KCNH1: variants seen among roughly 807,000 people sequenced by gnomAD.
KCNH1 encodes the protein voltage-gated delayed rectifier potassium channel KCNH1.
Under a neutral mutation model 69.2 loss-of-function variants are expected in KCNH1, and 27 were observed. The observed-to-expected ratio is 0.39, with a 90% CI of 0.29 to 0.54. The LOEUF (loss-of-function observed/expected upper bound fraction) is 0.54, where lower values mean the gene tolerates loss of function less well. Among genes scored for constraint, KCNH1 ranks in the 20% least tolerant of loss-of-function variants. KCNH1 has a pLI of 0.68. For missense variants in KCNH1, 798 were observed against 1,261.6 expected, an observed-to-expected ratio of 0.63 and a Z score of 5.57; for synonymous variants, 456 against 487.7, an observed-to-expected ratio of 0.93 and a Z score of 0.86.
chr1:210,880,568 C>T (rs954980147), intron 7 of KCNH1, among the ~76,000 whole-genome samples: 44 of 152,108 alleles, frequency 2.9e-4, no homozygotes, highest in African/African-American at 9.9e-4. Context: ...GACCATACAC[C>T]TCTGACAAAA....
At chr1:210,944,184 C>A (rs531143665) in intron 6 of KCNH1, among the ~76,000 whole-genome samples, 3 of 152,312 alleles carry the variant, frequency 2.0e-5, no homozygotes, top group African/African-American at 7.2e-5. Flanking sequence ...GAGTCTACAG[C>A]ATATCAATTC....
intron 1 of KCNH1, among the ~76,000 whole-genome samples, chr1:211,124,903 C>G (rs930647088): frequency 1.3e-5 from 2 of 152,116 alleles, no homozygotes; most frequent in African/African-American, 4.8e-5. Context: ...AAGTGAAGTT[C>G]CTGAACCAAG....
At chr1:210,737,035 C>A (rs888588736) in intron 10 of KCNH1, among the ~76,000 whole-genome samples, 15 of 152,158 alleles carry the variant, frequency 9.9e-5, no homozygotes, top group African/African-American at 3.6e-4. Context: ...GGTAAAGGAA[C>A]AAAGCAAAGA....
chr1:210,861,024 G>C (rs1685967204), intron 7 of KCNH1: 1 of 1,054,958 alleles, frequency 9.5e-7, no homozygotes, highest in African/African-American at 1.6e-5. Context: ...GGTTCTGTAA[G>C]AATCTGGTAA....
chr1:210,999,800 A>T (rs1425775382), intron 6 of KCNH1, among the ~76,000 whole-genome samples: 1 of 152,202 alleles, frequency 6.6e-6, no homozygotes, highest in Admixed American at 6.5e-5. Context: ...GCAGCACATC[A>T]AAAAGCTTAT....
intron 7 of KCNH1, among the ~76,000 whole-genome samples, chr1:210,853,798 C>G (rs1324009019): frequency 6.6e-6 from 1 of 152,042 alleles, no homozygotes; most frequent in Non-Finnish European, 1.5e-5. Flanking sequence ...TGCCGACAGA[C>G]CCAAACCATC....
intron 3 of KCNH1, among the ~76,000 whole-genome samples, chr1:211,103,236 GA>G (rs1402249515): frequency 6.6e-6 from 1 of 151,990 alleles, no homozygotes; most frequent in East Asian, 1.9e-4. Flanking sequence ...AAACCAATAG[GA>G]AAAAACACTA....
In KCNH1 at chr1:210,684,090, T is replaced by C. The variant is rs781342181; in HGVS notation, c.2161A>G (p.Met721Val). The change falls in exon 11 of 11, where the codon ATG becomes GTG. Residue 721 changes from methionine to valine, a missense_variant. Physicochemically the swap from Met to Val is conservative, Grantham distance 21. Coordinates refer to ENST00000271751, the MANE Select transcript of KCNH1 (RefSeq NM_172362.3). The stretch of plus-strand genomic sequence containing the variant: ...AGGGGGGCCTCATTCTTTCGTTTCA[T>C]GCGTTCTTCCTCTTCACGTTTCACA... ...SDVKREEEER[M>V]KRKNEAPLIL... The C allele has an allele frequency of 2.6e-6, 4 of 1,517,036 alleles. No individual in the cohort carries two copies. Among genetic ancestry groups the C allele is most frequent in the Admixed American group, 2.2e-5 (1 of 44,808 alleles). The allele number at this position is 1,517,036 out of a possible 1,614,324, so 94.0% of individuals were successfully genotyped here.
intron 7 of KCNH1, among the ~76,000 whole-genome samples, chr1:210,819,668 A>G (rs1684886884): frequency 6.6e-6 from 1 of 152,046 alleles, no homozygotes. Context: ...ACTATGATAA[A>G]CTTGTCAAAA....
intron 7 of KCNH1, among the ~76,000 whole-genome samples, chr1:210,827,193 A>C (rs1685049657): frequency 6.6e-6 from 1 of 152,058 alleles, no homozygotes; most frequent in Non-Finnish European, 1.5e-5. Flanking sequence ...AAAATTAGCC[A>C]GGCGTGGTGG....
rs779216214 is a variant in KCNH1 at position 210,856,286 on chromosome 1, C to T, written c.1463-52120G>A. Among the ~76,000 whole-genome samples the T allele has an allele frequency of 2.6e-5, 4 of 152,280 alleles. No individual in the cohort carries two copies. In the South Asian group the frequency reaches 8.3e-4, roughly 32 times the overall value. ...CAAACCAGAGCCCGCCTGGAATAATCCCACTCACATAATGCCAAAAGAACC... is the reference window on the plus strand; with the variant it reads ...CAAACCAGAGCCCGCCTGGAATAATTCCACTCACATAATGCCAAAAGAACC... On this transcript the variant is annotated intron_variant, in intron 7 of 10. Transcript: ENST00000271751.
At chr1:210,728,156 T>C (rs1682653088) in intron 10 of KCNH1, among the ~76,000 whole-genome samples, 1 of 152,232 alleles carries the variant, frequency 6.6e-6, no homozygotes, top group Non-Finnish European at 1.5e-5. Flanking sequence ...GGTAAACAAC[T>C]GCTCTAAGCC....
At chr1:210,846,178 C>T (rs867508629) in intron 7 of KCNH1, among the ~76,000 whole-genome samples, 4 of 152,130 alleles carry the variant, frequency 2.6e-5, no homozygotes, top group Non-Finnish European at 5.9e-5. Flanking sequence ...AGATTCAATG[C>T]CATCGCCATC....
intron 5 of KCNH1, among the ~76,000 whole-genome samples, chr1:211,048,686 A>G (rs1690137488): frequency 6.6e-6 from 1 of 152,142 alleles, no homozygotes; most frequent in Admixed American, 6.5e-5. Context: ...GACTTTGGGG[A>G]CAAGTGGGGA....
chr1:211,045,297 A>G (rs562025350), intron 5 of KCNH1, among the ~76,000 whole-genome samples: 2 of 151,960 alleles, frequency 1.3e-5, no homozygotes, highest in Admixed American at 6.6e-5. Context: ...GGAATAAAAT[A>G]CTACAAATTG....
chr1:210,754,951 C>T (rs1006245762), intron 10 of KCNH1, among the ~76,000 whole-genome samples: 1 of 152,048 alleles, frequency 6.6e-6, no homozygotes, highest in East Asian at 1.9e-4. Flanking sequence ...ATGGGGAAAG[C>T]AAGCAAACTT....
At chr1:210,880,766 G>T in intron 7 of KCNH1, among the ~76,000 whole-genome samples, 1 of 151,954 alleles carries the variant, frequency 6.6e-6, no homozygotes, top group Non-Finnish European at 1.5e-5. Context: ...CTCTGTCAAA[G>T]ACACTGTCAA....
At chr1:210,973,981 T>C (rs888908768) in intron 6 of KCNH1, among the ~76,000 whole-genome samples, 1 of 152,182 alleles carries the variant, frequency 6.6e-6, no homozygotes, top group African/African-American at 2.4e-5. Flanking sequence ...CTGAGTTATT[T>C]TCCCAAAGGT....
At chr1:211,098,353 A>G (rs973448711) in intron 3 of KCNH1, among the ~76,000 whole-genome samples, 2 of 151,776 alleles carry the variant, frequency 1.3e-5, no homozygotes, top group Middle Eastern at 3.4e-3. Flanking sequence ...AAAGAAAATC[A>G]TACAGCATAC....
Sources: gnomAD v4.1 joint callset for allele counts (sites outside exome capture counted in the v4.1 genomes callset) on GRCh38, gnomAD v4.1.1 for gene constraint, MANE v1.5 for transcripts, NCBI Gene and HGNC (gene_info 2026-07-23, HGNC 2026-07-21) for gene names.